Variants in ATP8A2 observed in about 807,000 individuals in gnomAD.
ATP8A2 encodes ATPase phospholipid transporting 8A2, also known as phospholipid-transporting ATPase IB.
Under a neutral mutation model 165.6 loss-of-function variants are expected in ATP8A2, and 100 were observed. The ratio of observed to expected loss-of-function variants is 0.60; its 90% CI spans 0.51 to 0.71. The LOEUF (loss-of-function observed/expected upper bound fraction) is 0.71. Ranked by LOEUF, ATP8A2 falls within the 30% of genes least tolerant of loss-of-function variation. The pLI is 0.00. For missense variants in ATP8A2, 1,227 were observed against 1,479.5 expected, an observed-to-expected ratio of 0.83 and a Z score of 2.80; for synonymous variants, 543 against 548.8, an observed-to-expected ratio of 0.99 and a Z score of 0.15.
intron 1 of ATP8A2, among the ~76,000 whole-genome samples, chr13:25,410,485 C>T (rs184515509): frequency 2.6e-4 from 39 of 152,318 alleles, no homozygotes; most frequent in Non-Finnish European, 5.3e-4. Context: ...TATTTGTAAT[C>T]TCAGTGCACA....
intron 25 of ATP8A2, among the ~76,000 whole-genome samples, chr13:25,728,683 A>G (rs192098579): frequency 6.6e-6 from 1 of 152,200 alleles, no homozygotes; most frequent in African/African-American, 2.4e-5. Flanking sequence ...CCAGGTTTTG[A>G]GAAGGGGGGA....
chr13:25,747,643 C>T (rs1212092874), intron 25 of ATP8A2, among the ~76,000 whole-genome samples: 2 of 151,966 alleles, frequency 1.3e-5, no homozygotes, highest in African/African-American at 2.4e-5. Context: ...GGATACAATG[C>T]GTGGGGAGGG....
intron 25 of ATP8A2, among the ~76,000 whole-genome samples, chr13:25,739,299 C>T (rs2043855755): frequency 6.6e-6 from 1 of 152,228 alleles, no homozygotes; most frequent in East Asian, 1.9e-4. Context: ...GTGTATCTCA[C>T]ATATCATAAG....
intron 27 of ATP8A2, among the ~76,000 whole-genome samples, chr13:25,808,042 T>C (rs1244487799): frequency 9.8e-3 from 1 of 102 alleles, no homozygotes; most frequent in Non-Finnish European, 0.019. Flanking sequence ...AAATCACAAG[T>C]TGCCTATTTA....
At chr13:25,881,599 GAGAGAGAGAGAGAA>G (rs888336117) in intron 33 of ATP8A2, among the ~76,000 whole-genome samples, 2 of 152,000 alleles carry the variant, frequency 1.3e-5, no homozygotes, top group South Asian at 2.1e-4. Context: ...GAGAGAAAGA[GAGAGAGAGAGAGAA>G]AGAGAGAGAG....
At chr13:25,601,770 A>G (rs1476688552) in intron 24 of ATP8A2, among the ~76,000 whole-genome samples, 2 of 152,220 alleles carry the variant, frequency 1.3e-5, no homozygotes, top group Admixed American at 1.3e-4. Context: ...GCGCCCGGCC[A>G]GAAATGCTTG....
At chr13:25,383,002 A>T (rs559910548) in intron 1 of ATP8A2, among the ~76,000 whole-genome samples, 1 of 149,512 alleles carries the variant, frequency 6.7e-6, no homozygotes. Flanking sequence ...TGATCTGCCC[A>T]CCTTGGCCTC....
In ATP8A2 at chr13:25,885,105, CTTTT is replaced by C. The variant is rs869044168; in HGVS notation, c.3183+22718_3183+22721del. ...AGAGTCAGTCTCCTTTCTCCGCTTG[CTTTT>C]TTTTTTTTTTTTTTTTTTTTGAGGT... On this transcript the variant is annotated intron_variant, in intron 33 of 36. Coordinates refer to ENST00000381655, the MANE Select transcript of ATP8A2 (RefSeq NM_016529.6). Among the ~76,000 whole-genome samples the C allele has an allele frequency of 6.5e-4, 58 of 88,592 alleles. No individual in the cohort carries two copies. In the South Asian group the frequency reaches 7.0e-3, roughly 11 times the overall value. 58.1% of individuals were successfully genotyped at this position (88,592 alleles called of 152,430 possible).
intron 24 of ATP8A2, among the ~76,000 whole-genome samples, chr13:25,682,590 C>T (rs1465094875): frequency 1.3e-5 from 2 of 152,170 alleles, no homozygotes; most frequent in African/African-American, 4.8e-5. Context: ...TCGCTTTCTC[C>T]AGAAAGCCGT....
intron 33 of ATP8A2, among the ~76,000 whole-genome samples, chr13:25,947,156 G>A (rs928110271): frequency 1.3e-5 from 2 of 152,150 alleles, no homozygotes; most frequent in African/African-American, 2.4e-5. Context: ...AAGTACCCAC[G>A]CAGTACTCTG....
intron 1 of ATP8A2, among the ~76,000 whole-genome samples, chr13:25,408,537 T>C (rs1391262149): frequency 6.6e-6 from 1 of 152,232 alleles, no homozygotes; most frequent in Non-Finnish European, 1.5e-5. Flanking sequence ...TGTTGAAATA[T>C]ACTTTTCTTC....
intron 2 of ATP8A2, among the ~76,000 whole-genome samples, chr13:25,486,188 G>T (rs1208528012): frequency 6.6e-6 from 1 of 152,132 alleles, no homozygotes; most frequent in Non-Finnish European, 1.5e-5. Flanking sequence ...AATGTGCAAT[G>T]CAGTATTCCA....
intron 1 of ATP8A2, among the ~76,000 whole-genome samples, chr13:25,389,810 A>ATG (rs1474148848): frequency 6.6e-6 from 1 of 152,208 alleles, no homozygotes; most frequent in Non-Finnish European, 1.5e-5. Flanking sequence ...AGACCTGGAC[A>ATG]TGTAAAAAGG....
At chr13:25,425,819 G>A (rs1003703876) in intron 1 of ATP8A2, among the ~76,000 whole-genome samples, 17 of 152,026 alleles carry the variant, frequency 1.1e-4, no homozygotes, top group African/African-American at 4.1e-4. Context: ...CTTGTGATCC[G>A]CCCGCCTCCG....
At chr13:25,800,521 A>G (rs1048256518) in intron 27 of ATP8A2, among the ~76,000 whole-genome samples, 5 of 152,192 alleles carry the variant, frequency 3.3e-5, no homozygotes, top group Non-Finnish European at 5.9e-5. Context: ...TATAGGGTGC[A>G]GCAACTCATT....
At chr13:25,388,311 T>C (rs955495086) in intron 1 of ATP8A2, among the ~76,000 whole-genome samples, 10 of 152,124 alleles carry the variant, frequency 6.6e-5, no homozygotes, top group South Asian at 2.1e-4. Flanking sequence ...CAGGAGAGCT[T>C]GTCTCAGTGT....
At chr13:25,649,038 GT>G in intron 24 of ATP8A2, 1 of 507,742 alleles carries the variant, frequency 2.0e-6, no homozygotes, top group Non-Finnish European at 3.9e-6. Context: ...AGCTTTGTCA[GT>G]TTCTTTTGGA....
intron 18 of ATP8A2, among the ~76,000 whole-genome samples, chr13:25,572,210 CT>C (rs770197730): frequency 7.2e-5 from 11 of 152,210 alleles, no homozygotes; most frequent in Non-Finnish European, 1.2e-4. Flanking sequence ...TCTCGGCTCA[CT>C]GCAACCTCTG....
intron 32 of ATP8A2, among the ~76,000 whole-genome samples, chr13:25,861,241 C>G (rs999641715): frequency 1.3e-5 from 2 of 152,008 alleles, no homozygotes; most frequent in East Asian, 3.9e-4. Flanking sequence ...TTCCGGACTT[C>G]GTTCTATGTC....
Sources: allele counts gnomAD v4.1 joint callset (sites outside exome capture counted in the v4.1 genomes callset), GRCh38; gene constraint gnomAD v4.1.1; transcripts MANE v1.5; gene names NCBI Gene and HGNC (gene_info 2026-07-23, HGNC 2026-07-21).